Variants in RELN observed in about 807,000 individuals in gnomAD.
RELN encodes the protein reelin.
RELN carries 108 observed loss-of-function variants against 427.6 expected under a neutral mutation model. The observed-to-expected ratio is 0.25, with a 90% confidence interval of 0.22 to 0.30. The LOEUF is 0.30. Among genes scored for constraint, RELN ranks in the 10% least tolerant of loss-of-function variants. The probability of loss-of-function intolerance (pLI) is 1.00; values close to 1 mark genes in which losing one functional copy is unlikely to be tolerated. For missense variants in RELN, 3,715 were observed against 4,302.8 expected (o/e 0.86, Z 3.82); for synonymous variants, 1,524 against 1,513.4 (o/e 1.01, Z -0.16).
chr7:103,817,866 A>C (rs1365113414), intron 3 of RELN, among the ~76,000 whole-genome samples: 1 of 146,450 alleles, frequency 6.8e-6, no homozygotes, highest in South Asian at 2.2e-4. Context: ...AATTGCTTAA[A>C]CCTGGGAGGC....
At chr7:103,698,731 TCTCAAACTCCTGGG>T (rs1249524375) in intron 9 of RELN, among the ~76,000 whole-genome samples, 40 of 152,152 alleles carry the variant, frequency 2.6e-4, no homozygotes, top group Non-Finnish European at 7.4e-5. Context: ...CCTGGGCTGG[TCTCAAACTCCTGGG>T]CTCAAGTGAT....
intron 46 of RELN, among the ~76,000 whole-genome samples, chr7:103,524,205 G>T (rs1019550327): frequency 6.6e-6 from 1 of 152,166 alleles, no homozygotes; most frequent in African/African-American, 2.4e-5. Flanking sequence ...CTGCTAACTT[G>T]TAAGTGCAAA....
At chr7:103,854,178 T>C (rs1158156036) in intron 2 of RELN, among the ~76,000 whole-genome samples, 3 of 152,190 alleles carry the variant, frequency 2.0e-5, no homozygotes, top group African/African-American at 7.2e-5. Flanking sequence ...CACCAACCTG[T>C]TTGCTTTTAT....
chr7:103,643,769 C>T lies in RELN; in HGVS notation c.2003-3160G>A, dbSNP rs140990329. Among the ~76,000 whole-genome samples the T allele has an allele frequency of 2.3e-3, 356 of 152,018 alleles. 2 individuals carry two copies. Among genetic ancestry groups the T allele is most frequent in the Admixed American group, 6.2e-3 (94 of 15,236 alleles). ...GGTTTCTAAAGAAAAAAACTGTTAACCATGAATTCTGTATTCTATTAGAAT... is the reference window on the plus strand; with the variant it reads ...GGTTTCTAAAGAAAAAAACTGTTAATCATGAATTCTGTATTCTATTAGAAT... On this transcript the variant is annotated intron_variant, in intron 16 of 64. Transcript: ENST00000428762.
At chr7:103,498,854 C>T (rs2711887) in intron 53 of RELN, among the ~76,000 whole-genome samples, 31,786 of 152,044 alleles carry the variant, frequency 0.21, 3,475 homozygotes, top group East Asian at 0.29. Flanking sequence ...TACCCCCAAA[C>T]ATGTATATTT....
At chr7:103,841,956 T>C (rs185133152) in intron 2 of RELN, among the ~76,000 whole-genome samples, 1 of 152,260 alleles carries the variant, frequency 6.6e-6, no homozygotes, top group East Asian at 1.9e-4. Flanking sequence ...AACTAAGACA[T>C]CTGTGGATAG....
chr7:103,511,162 G>A (rs1220021123), intron 50 of RELN, among the ~76,000 whole-genome samples, 157 bp from the exon 51 acceptor site: 1 of 151,962 alleles, frequency 6.6e-6, no homozygotes, highest in African/African-American at 2.4e-5. Context: ...ATTGTTTCAG[G>A]AACATAAATA....
intron 6 of RELN, among the ~76,000 whole-genome samples, chr7:103,731,963 T>C (rs1365371497): frequency 4.6e-5 from 7 of 152,168 alleles, no homozygotes; most frequent in Non-Finnish European, 1.0e-4. Flanking sequence ...GGGTGTATTC[T>C]ATGCTTACAG....
At chr7:103,735,777 C>G (rs1308992232) in intron 6 of RELN, among the ~76,000 whole-genome samples, 2 of 152,024 alleles carry the variant, frequency 1.3e-5, no homozygotes, top group Admixed American at 6.6e-5. Context: ...TCCCCAAGAC[C>G]AAGGACATCA....
intron 4 of RELN, among the ~76,000 whole-genome samples, chr7:103,763,775 G>C (rs934535778): frequency 3.9e-5 from 6 of 152,130 alleles, no homozygotes; most frequent in Non-Finnish European, 7.3e-5. Flanking sequence ...ACGTTGGAGA[G>C]AGAGAGAGGT....
chr7:103,886,324 G>T (rs1794725571), intron 2 of RELN, among the ~76,000 whole-genome samples: 1 of 152,124 alleles, frequency 6.6e-6, no homozygotes. Flanking sequence ...TGCCTGATAA[G>T]ATTTTTTTCT....
At chr7:103,496,122 A>C (rs1257693571) in intron 56 of RELN, among the ~76,000 whole-genome samples, 1 of 152,192 alleles carries the variant, frequency 6.6e-6, no homozygotes, top group African/African-American at 2.4e-5. Context: ...AGACTATTAA[A>C]TGGTAGTATA....
chr7:103,712,629 A>G (rs1177921607), intron 8 of RELN, among the ~76,000 whole-genome samples: 1 of 152,236 alleles, frequency 6.6e-6, no homozygotes, highest in Non-Finnish European at 1.5e-5. Flanking sequence ...AACAGAAATA[A>G]TGATCATAAA....
chr7:103,604,599 G>T (rs1188991944), intron 22 of RELN, 116 bp from the exon 23 acceptor site: 50 of 990,762 alleles, frequency 5.0e-5, no homozygotes, highest in South Asian at 6.7e-5. Flanking sequence ...CTTGAGCTTA[G>T]CTGGCATCAT....
intron 2 of RELN, among the ~76,000 whole-genome samples, chr7:103,878,019 C>A (rs779501518): frequency 6.6e-6 from 1 of 152,078 alleles, no homozygotes; most frequent in Non-Finnish European, 1.5e-5. Context: ...ACACGCCCAG[C>A]TAATATTTTG....
At chr7:103,692,774 T>A (rs1451755565) in intron 10 of RELN, among the ~76,000 whole-genome samples, 2 of 151,432 alleles carry the variant, frequency 1.3e-5, no homozygotes, top group East Asian at 3.9e-4. Flanking sequence ...GGAAAAAGAG[T>A]GGCATTTTTT....
At chr7:103,631,144 T>A (rs1424422316) in intron 19 of RELN, among the ~76,000 whole-genome samples, 1 of 151,918 alleles carries the variant, frequency 6.6e-6, no homozygotes, top group Admixed American at 6.6e-5. Flanking sequence ...AACATGACTA[T>A]CACCATTGAT....
chr7:103,759,636 T>C (rs1359893707), intron 4 of RELN, among the ~76,000 whole-genome samples: 1 of 152,136 alleles, frequency 6.6e-6, no homozygotes, highest in Non-Finnish European at 1.5e-5. Context: ...CTATTTTCAC[T>C]CAGTGTGAAT....
chr7:103,627,656 GAGA>G (rs1196018033), intron 20 of RELN, among the ~76,000 whole-genome samples: 1 of 149,862 alleles, frequency 6.7e-6, no homozygotes, highest in Admixed American at 6.6e-5. Flanking sequence ...TTTTGCTTCA[GAGA>G]AGATCAGAAA....
Sources: allele counts gnomAD v4.1 joint callset (sites outside exome capture counted in the v4.1 genomes callset), GRCh38; gene constraint gnomAD v4.1.1; transcripts MANE v1.5; gene names NCBI Gene and HGNC (gene_info 2026-07-23, HGNC 2026-07-21).